Variants in GRB14 observed in about 807,000 individuals in gnomAD.
The protein encoded by GRB14 is growth factor receptor-bound protein 14.
A neutral mutation model predicts 69.1 loss-of-function variants in GRB14; 38 were observed. The observed-to-expected ratio is 0.55, with a 90% CI of 0.42 to 0.72. GRB14 has a LOEUF of 0.72. Among genes scored for constraint, GRB14 ranks in the 30% least tolerant of loss-of-function variants. The pLI is 0.00. For synonymous variants in GRB14, 247 were observed against 241.3 expected (o/e 1.02, Z -0.22); for missense variants, 666 against 666.1 (o/e 1.00, Z 0.00).
intron 2 of GRB14, among the ~76,000 whole-genome samples, chr2:164,589,227 A>T (rs1689603903): frequency 6.6e-6 from 1 of 152,184 alleles, no homozygotes; most frequent in Non-Finnish European, 1.5e-5. Flanking sequence ...AAACTGTCCT[A>T]TGTGAATGCA....
At chr2:164,589,916 C>T (rs1384674917) in intron 2 of GRB14, among the ~76,000 whole-genome samples, 2 of 152,046 alleles carry the variant, frequency 1.3e-5, no homozygotes, top group Non-Finnish European at 2.9e-5. Context: ...CTGGTGAGAA[C>T]CCTCATCTGG....
chr2:164,593,283 T>C (rs1416965212), intron 2 of GRB14, among the ~76,000 whole-genome samples: 2 of 152,092 alleles, frequency 1.3e-5, no homozygotes, highest in Non-Finnish European at 2.9e-5. Flanking sequence ...GTATTTTAAA[T>C]ATTATTAAAC....
intron 13 of GRB14, among the ~76,000 whole-genome samples, chr2:164,493,671 TG>T (rs1686817859): frequency 6.6e-6 from 1 of 152,202 alleles, no homozygotes; most frequent in African/African-American, 2.4e-5. Flanking sequence ...TGAAGTCTTC[TG>T]GTACTAAACA....
intron 3 of GRB14, among the ~76,000 whole-genome samples, chr2:164,539,529 C>T (rs561264048): frequency 6.6e-6 from 1 of 152,160 alleles, no homozygotes; most frequent in Admixed American, 6.5e-5. Context: ...AAATTTAACT[C>T]TGAAATTAGA....
At position 164,616,145 on chromosome 2, in the gene GRB14, C is replaced by T. The variant is rs573434356; in HGVS notation, c.324+3542G>A. ...AGGGAATAAAGAATATGAATTCTCG[C>T]GGGGCACAGGGGCTCATGCCTGTAA... On this transcript the variant is annotated intron_variant, in intron 2 of 13. Coordinates refer to ENST00000263915, the MANE Select transcript of GRB14 (RefSeq NM_004490.3). Among the ~76,000 whole-genome samples the T allele has an allele frequency of 1.2e-3, 185 of 152,176 alleles. 1 individual carries two copies. The highest frequency in any genetic ancestry group is 4.3e-3 in the African/African-American group (178 of 41,524).
intron 2 of GRB14, among the ~76,000 whole-genome samples, chr2:164,572,232 G>C (rs1222846397): frequency 2.1e-4 from 32 of 152,178 alleles, no homozygotes; most frequent in Non-Finnish European, 4.4e-5. Context: ...ATTTGCACCA[G>C]TCTAATACAA....
Position 164,500,574 on chromosome 2 carries a change from CAA to C in GRB14, c.1104+1679_1104+1680del, listed in dbSNP as rs1162612713. Among the ~76,000 whole-genome samples, 3 of 152,000 alleles carry C rather than the reference CAA, an allele frequency of 2.0e-5. No homozygotes were observed. In the East Asian group the frequency reaches 5.8e-4, roughly 29 times the overall value. On this transcript the variant is annotated intron_variant, in intron 9 of 13. Coordinates refer to ENST00000263915, the MANE Select transcript of GRB14 (RefSeq NM_004490.3). ...GAAAAGTGAGATTTTATAGAGACAC[CAA>C]AGTCAACACAACTACTTCCCAAAAC...
In GRB14 at chr2:164,617,433, C is replaced by T. The variant is rs1190607651; in HGVS notation, c.324+2254G>A. ...TTTCCAGTTTGCTATTTTTTTTTTG[C>T]CCATTTTCCAGTTTAAACCTGATCT... is the stretch of plus-strand genomic sequence containing the variant. On this transcript the variant is annotated intron_variant, in intron 2 of 13. Coordinates refer to ENST00000263915, the MANE Select transcript of GRB14 (RefSeq NM_004490.3). Among the ~76,000 whole-genome samples the T allele has an allele frequency of 2.0e-5, 3 of 150,822 alleles. No individual in the cohort carries two copies. The East Asian group carries it at 5.8e-4, about 29-fold the overall frequency.
At chr2:164,528,979 A>T (rs1209739483) in intron 3 of GRB14, among the ~76,000 whole-genome samples, 2 of 152,206 alleles carry the variant, frequency 1.3e-5, no homozygotes, top group African/African-American at 4.8e-5. Context: ...AACATCATTC[A>T]CAATAGCCAA....
chr2:164,552,393 T>C (rs1480679442), intron 2 of GRB14, among the ~76,000 whole-genome samples: 2 of 152,210 alleles, frequency 1.3e-5, no homozygotes, highest in Admixed American at 1.3e-4. Flanking sequence ...CACAGTGCAT[T>C]GTAAATGGTA....
At chr2:164,585,723 A>C (rs1689522607) in intron 2 of GRB14, among the ~76,000 whole-genome samples, 1 of 152,228 alleles carries the variant, frequency 6.6e-6, no homozygotes, top group Non-Finnish European at 1.5e-5. Flanking sequence ...ATAAAGCTGA[A>C]AAAATAAATA....
chr2:164,617,064 C>G (rs1170687989), intron 2 of GRB14, among the ~76,000 whole-genome samples: 2 of 152,008 alleles, frequency 1.3e-5, no homozygotes, highest in East Asian at 3.9e-4. Flanking sequence ...TATAAAGAAA[C>G]TAAAGCAAAA....
intron 3 of GRB14, among the ~76,000 whole-genome samples, chr2:164,538,702 G>T (rs1688149677): frequency 6.6e-6 from 1 of 152,138 alleles, no homozygotes; most frequent in Non-Finnish European, 1.5e-5. Flanking sequence ...AATAATTACA[G>T]GTAGAGGATA....
At chr2:164,554,097 TG>T (rs1688615615) in intron 2 of GRB14, among the ~76,000 whole-genome samples, 2 of 152,054 alleles carry the variant, frequency 1.3e-5, no homozygotes, top group South Asian at 4.2e-4. Flanking sequence ...AAAAACTGCA[TG>T]ACTATATGGG....
At chr2:164,590,558 G>A (rs1246106813) in intron 2 of GRB14, among the ~76,000 whole-genome samples, 1 of 152,078 alleles carries the variant, frequency 6.6e-6, no homozygotes, top group Non-Finnish European at 1.5e-5. Context: ...TTGGGGGAAG[G>A]AAACAATGAA....
intron 2 of GRB14, among the ~76,000 whole-genome samples, chr2:164,583,325 AAAG>A (rs1689458253): frequency 6.6e-6 from 1 of 152,238 alleles, no homozygotes; most frequent in Non-Finnish European, 1.5e-5. Flanking sequence ...AAAGAAAAAA[AAAG>A]GAGAGTAAAA....
chr2:164,544,403 C>CA (rs930547213), intron 3 of GRB14, among the ~76,000 whole-genome samples: 7 of 150,628 alleles, frequency 4.6e-5, no homozygotes, highest in Admixed American at 4.0e-4. Flanking sequence ...GTGACTATAA[C>CA]AAAAAAAAAT....
intron 2 of GRB14, among the ~76,000 whole-genome samples, chr2:164,602,703 G>A (rs958802933): frequency 6.6e-6 from 1 of 152,106 alleles, no homozygotes; most frequent in Non-Finnish European, 1.5e-5. Context: ...GTATGTGCCC[G>A]GCACAAGGCT....
In GRB14 at chr2:164,493,186, CA is replaced by C; in HGVS notation, c.1477-5del. 6.2e-7 allele frequency: 1 copy of C among 1,608,086 alleles called. No homozygotes were observed. Among genetic ancestry groups the C allele is most frequent in the South Asian group, 1.1e-5 (1 of 90,014 alleles). On this transcript the variant is annotated splice_region_variant and splice_polypyrimidine_tract_variant and intron_variant, in intron 13 of 13. Coordinates refer to ENST00000263915, the MANE Select transcript of GRB14 (RefSeq NM_004490.3). ...ACATTTCACCGTCATCTTCTACCTG[CA>C]AAAAGAAAAGCAACAAATAAGTAAA...
Sources: gnomAD v4.1 joint callset for allele counts (sites outside exome capture counted in the v4.1 genomes callset) on GRCh38, gnomAD v4.1.1 for gene constraint, MANE v1.5 for transcripts, NCBI Gene and HGNC (gene_info 2026-07-23, HGNC 2026-07-21) for gene names.